OCA2: variants seen among roughly 807,000 people sequenced by gnomAD.
OCA2 encodes OCA2 melanosomal transmembrane protein.
A neutral mutation model predicts 100.2 loss-of-function variants in OCA2; 77 were observed. The observed-to-expected ratio is 0.77, with a 90% confidence interval of 0.64 to 0.93. The LOEUF (loss-of-function observed/expected upper bound fraction) is 0.93, where lower values mean the gene tolerates loss of function less well. OCA2 is among the 40% of genes least tolerant of loss of function. OCA2 has a pLI of 0.00. For missense variants in OCA2, 1,062 were observed against 1,089.1 expected (o/e 0.98, Z 0.35); for synonymous variants, 432 against 439.2 (o/e 0.98, Z 0.21).
chr15:27,774,981 C>T (rs56111084), intron 23 of OCA2, among the ~76,000 whole-genome samples: 2,698 of 149,934 alleles, frequency 0.018, 36 homozygotes, highest in South Asian at 0.057. Flanking sequence ...CCTGAGCAGA[C>T]GATGACAGCA....
the OCA2 span, among the ~76,000 whole-genome samples, chr15:27,732,913 A>G: frequency 6.6e-6 from 1 of 152,206 alleles, no homozygotes; most frequent in Non-Finnish European, 1.5e-5. Context: ...TGCCATTTAT[A>G]TTCTCACACT....
At chr15:28,060,580 T>C (rs1012987664) in intron 2 of OCA2, among the ~76,000 whole-genome samples, 1 of 152,144 alleles carries the variant, frequency 6.6e-6, no homozygotes, top group Non-Finnish European at 1.5e-5. Flanking sequence ...CTCTCCTCCA[T>C]AGAAGCAGCA....
intron 7 of OCA2, among the ~76,000 whole-genome samples, chr15:28,017,204 G>A (rs1239960815): frequency 3.9e-5 from 6 of 152,212 alleles, no homozygotes; most frequent in African/African-American, 1.2e-4. Context: ...AGGTACTTCA[G>A]TGTTTGCAAA....
chr15:27,984,120 T>C (rs1264119253), intron 13 of OCA2, among the ~76,000 whole-genome samples: 1 of 151,768 alleles, frequency 6.6e-6, no homozygotes, highest in Non-Finnish European at 1.5e-5. Flanking sequence ...AGCATTCCAG[T>C]TATTCTCTTC....
chr15:27,993,604 C>A (rs780366780), intron 9 of OCA2, among the ~76,000 whole-genome samples: 2 of 152,158 alleles, frequency 1.3e-5, no homozygotes, highest in Non-Finnish European at 2.9e-5. Flanking sequence ...CTGGGCTCAT[C>A]GTGGTCTCAC....
intron 9 of OCA2, among the ~76,000 whole-genome samples, chr15:28,008,511 G>A (rs1315551808): frequency 1.3e-5 from 2 of 152,052 alleles, no homozygotes; most frequent in Non-Finnish European, 2.9e-5. Context: ...GTTCTAAGTT[G>A]CTAGCCAATC....
intron 18 of OCA2, among the ~76,000 whole-genome samples, chr15:27,939,582 C>T (rs1351664753): frequency 2.6e-5 from 4 of 152,196 alleles, no homozygotes; most frequent in Non-Finnish European, 2.9e-5. Context: ...ACAAGAATAA[C>T]TAAGCATAAA....
intron 23 of OCA2, among the ~76,000 whole-genome samples, chr15:27,830,056 GAT>G (rs1368998537): frequency 6.6e-6 from 1 of 152,134 alleles, no homozygotes; most frequent in Non-Finnish European, 1.5e-5. Flanking sequence ...TAATTGAAAT[GAT>G]ATGATTCTGT....
chr15:27,850,293 C>A (rs951047274), intron 22 of OCA2, among the ~76,000 whole-genome samples: 3 of 152,176 alleles, frequency 2.0e-5, no homozygotes, highest in African/African-American at 7.2e-5. Flanking sequence ...TATGCTGTAA[C>A]CTTAGTTTAG....
intron 4 of OCA2, among the ~76,000 whole-genome samples, chr15:28,026,065 C>G (rs745584293): frequency 6.6e-6 from 1 of 152,174 alleles, no homozygotes; most frequent in Non-Finnish European, 1.5e-5. Context: ...ATTCTAAATA[C>G]AAATTTCTTT....
intron 23 of OCA2, among the ~76,000 whole-genome samples, chr15:27,799,991 G>A (rs1182891153): frequency 2.0e-5 from 3 of 152,136 alleles, no homozygotes; most frequent in African/African-American, 7.2e-5. Flanking sequence ...AAGGATTTGG[G>A]TCATACAAGG....
chr15:28,058,272 G>A (rs569855461), intron 2 of OCA2, among the ~76,000 whole-genome samples: 1 of 152,266 alleles, frequency 6.6e-6, no homozygotes, highest in Non-Finnish European at 1.5e-5. Flanking sequence ...CACAGGGAAG[G>A]ACGAAGGCCA....
At chr15:27,814,701 A>T (rs569108975) in intron 23 of OCA2, among the ~76,000 whole-genome samples, 1 of 152,210 alleles carries the variant, frequency 6.6e-6, no homozygotes, top group Admixed American at 6.5e-5. Flanking sequence ...AACATGGCAA[A>T]ACCCCATCTC....
chr15:27,968,702 G>A lies in OCA2; in HGVS notation c.1504-1880C>T, dbSNP rs116412398. ...AAATGCTTAATCCCTTGCAGTTACC[G>A]GCACATCCAATGGTTGTCCTTGAAA... On this transcript the variant is annotated intron_variant, in intron 14 of 23. Coordinates refer to ENST00000354638, the MANE Select transcript of OCA2 (RefSeq NM_000275.3). 7.2e-3 allele frequency among the ~76,000 whole-genome samples: 1,091 copies of A among 152,180 alleles called. 18 individuals carry two copies. The highest frequency in any genetic ancestry group is 0.024 in the African/African-American group (1,014 of 41,512).
chr15:28,001,739 C>T (rs753756945), intron 9 of OCA2, among the ~76,000 whole-genome samples: 13 of 152,340 alleles, frequency 8.5e-5, no homozygotes, highest in South Asian at 4.1e-4. Flanking sequence ...CCTGAACTCA[C>T]AGCACTGCCC....
chr15:27,853,568 TATA>T, intron 21 of OCA2, among the ~76,000 whole-genome samples: 1 of 148,894 alleles, frequency 6.7e-6, no homozygotes, highest in Admixed American at 6.7e-5. Context: ...AAACTTAAAG[TATA>T]ATAATAAAAG....
chr15:28,076,266 T>C (rs2044422906), intron 2 of OCA2, among the ~76,000 whole-genome samples: 1 of 152,204 alleles, frequency 6.6e-6, no homozygotes, highest in South Asian at 2.1e-4. Flanking sequence ...AATATATTTA[T>C]TTTCACTTGA....
intron 23 of OCA2, among the ~76,000 whole-genome samples, chr15:27,824,866 G>T (rs573444727): frequency 6.6e-6 from 1 of 151,932 alleles, no homozygotes; most frequent in Non-Finnish European, 1.5e-5. Context: ...GATGCCAACA[G>T]TGAATTCAGC....
intron 23 of OCA2, among the ~76,000 whole-genome samples, chr15:27,813,112 G>A (rs541942007): frequency 2.2e-4 from 34 of 152,284 alleles, no homozygotes; most frequent in African/African-American, 8.2e-4. Flanking sequence ...CTGGGCAGAG[G>A]AACAAGGAGA....
Sources: gnomAD v4.1 joint callset for allele counts (sites outside exome capture counted in the v4.1 genomes callset) on GRCh38, gnomAD v4.1.1 for gene constraint, MANE v1.5 for transcripts, NCBI Gene and HGNC (gene_info 2026-07-23, HGNC 2026-07-21) for gene names.